Variants in MCPH1 observed in about 807,000 individuals in gnomAD.
MCPH1 encodes microcephalin 1, also known as microcephalin.
In MCPH1, 104 loss-of-function variants were observed where a neutral mutation model predicts 84.5. The ratio of observed to expected loss-of-function variants is 1.23; its 90% CI spans 1.05 to 1.45. The LOEUF (loss-of-function observed/expected upper bound fraction) is 1.45, where lower values mean the gene tolerates loss of function less well. MCPH1 is among the 40% of genes most tolerant of loss of function. MCPH1 has a pLI of 0.00. For synonymous variants in MCPH1, 514 were observed against 366.8 expected, an observed-to-expected ratio of 1.40 and a Z score of -4.58; for missense variants, 1,498 against 1,005.7, an observed-to-expected ratio of 1.49 and a Z score of -6.62.
At chr8:6,568,244 TCGC>T (rs879724915) in intron 12 of MCPH1, among the ~76,000 whole-genome samples, 7,284 of 130,752 alleles carry the variant, frequency 0.056, 505 homozygotes, top group African/African-American at 0.18. Context: ...CGTGGACCCA[TCGC>T]TAGCTGAATG....
At chr8:6,467,359 C>A (rs1807107673) in intron 9 of MCPH1, among the ~76,000 whole-genome samples, 1 of 152,132 alleles carries the variant, frequency 6.6e-6, no homozygotes, top group African/African-American at 2.4e-5. Context: ...GCAGAAATAT[C>A]TTCTGCTTTT....
intron 12 of MCPH1, among the ~76,000 whole-genome samples, chr8:6,510,286 G>C (rs758070393): frequency 6.6e-5 from 10 of 152,020 alleles, no homozygotes; most frequent in Non-Finnish European, 1.2e-4. Flanking sequence ...GGCACGTTGG[G>C]TCCTCACGTC....
chr8:6,603,947 G>T (rs1461135339), intron 12 of MCPH1, among the ~76,000 whole-genome samples: 1 of 151,410 alleles, frequency 6.6e-6, no homozygotes, highest in South Asian at 2.1e-4. Flanking sequence ...AGATATCAGA[G>T]TTATTTTTAC....
rs931746506 is a variant in MCPH1 at position 6,647,084 on chromosome 8, A to G, written c.*4035A>G. The G allele has an allele frequency of 2.6e-5, 4 of 152,230 alleles. No individual in the cohort carries two copies. Among genetic ancestry groups the G allele is most frequent in the African/African-American group, 9.7e-5 (4 of 41,446 alleles). The allele number at this position is 152,230 out of a possible 1,614,324, so 9.4% of individuals were successfully genotyped here. A position where few individuals can be genotyped will look rare whatever the true frequency, so the allele number is the denominator to read the frequency against. On this transcript the variant is annotated 3_prime_UTR_variant, in exon 14 of 14. Transcript: ENST00000344683. ...TAAAGGACTTGTACCCAGACCATGTAAAGAACTCATAACTCATTAATAAAA... is the reference window on the plus strand; with the variant it reads ...TAAAGGACTTGTACCCAGACCATGTGAAGAACTCATAACTCATTAATAAAA...
At chr8:6,512,765 A>G (rs894338484) in intron 12 of MCPH1, among the ~76,000 whole-genome samples, 1 of 152,198 alleles carries the variant, frequency 6.6e-6, no homozygotes. Context: ...ATTCCCAGTC[A>G]AGGTTGCCCA....
intron 12 of MCPH1, among the ~76,000 whole-genome samples, chr8:6,589,515 G>C (rs554781108): frequency 6.6e-6 from 1 of 152,304 alleles, no homozygotes; most frequent in African/African-American, 2.4e-5. Context: ...CCGGCATCTG[G>C]AAATGATGAA....
chr8:6,548,415 AT>A (rs144205826), intron 12 of MCPH1, among the ~76,000 whole-genome samples: 49 of 152,250 alleles, frequency 3.2e-4, no homozygotes, highest in African/African-American at 1.2e-3. Context: ...CAGAATTAGG[AT>A]TTTGATCCTC....
chr8:6,619,952 G>T (rs780311858), intron 12 of MCPH1, among the ~76,000 whole-genome samples: 2 of 152,202 alleles, frequency 1.3e-5, no homozygotes, highest in Non-Finnish European at 2.9e-5. Context: ...ACTCTTTCTT[G>T]ATTCCATTTC....
intron 12 of MCPH1, chr8:6,562,552 C>CTTTTTTTTTTTTTTTTTTTCTT (rs55804146): frequency 1.4e-5 from 1 of 71,748 alleles, no homozygotes; most frequent in African/African-American, 6.3e-5. Flanking sequence ...CATCCTCCTT[C>CTTTTTTTTTTTTTTTTTTTCTT]TTTTTTTTTT....
chr8:6,406,627 A>T lies in MCPH1; in HGVS notation c.-41A>T, dbSNP rs769260580. The T allele has an allele frequency of 3.7e-6, 6 of 1,607,972 alleles. No homozygotes were observed. The South Asian group carries it at 6.6e-5, about 18-fold the overall frequency. The stretch of plus-strand genomic sequence containing the variant: ...TGCCCGCGCGCGCCGCCAGGCTCGC[A>T]AGCACCGCGTAGGCCAGCTGGCCGG... On this transcript the variant is annotated 5_prime_UTR_variant, in exon 1 of 14. Transcript: ENST00000344683.
intron 3 of MCPH1, among the ~76,000 whole-genome samples, chr8:6,420,991 G>T (rs7018378): frequency 6.6e-6 from 1 of 152,066 alleles, no homozygotes; most frequent in Non-Finnish European, 1.5e-5. Flanking sequence ...GGGCATGGAG[G>T]TCTAATTTGA....
At chr8:6,569,631 AAG>A (rs1413396465) in intron 12 of MCPH1, among the ~76,000 whole-genome samples, 1 of 152,226 alleles carries the variant, frequency 6.6e-6, no homozygotes, top group Non-Finnish European at 1.5e-5. Flanking sequence ...AGGCTCCGTG[AAG>A]AGAGAGACAA....
At chr8:6,414,023 G>T (rs1393437989) in intron 2 of MCPH1, among the ~76,000 whole-genome samples, 1 of 152,198 alleles carries the variant, frequency 6.6e-6, no homozygotes, top group Admixed American at 6.5e-5. Flanking sequence ...AAAGTTCTGG[G>T]ATTACAGGTG....
chr8:6,535,942 A>G (rs1235503885), intron 12 of MCPH1, among the ~76,000 whole-genome samples: 2 of 151,986 alleles, frequency 1.3e-5, no homozygotes, highest in African/African-American at 4.8e-5. Flanking sequence ...CTGTAGTCTC[A>G]GGTACTGGGG....
chr8:6,475,361 A>T (rs1268135203), intron 9 of MCPH1, among the ~76,000 whole-genome samples: 1 of 152,198 alleles, frequency 6.6e-6, no homozygotes, highest in African/African-American at 2.4e-5. Context: ...CATTCCTCTC[A>T]TGGGAGATGT....
intron 12 of MCPH1, among the ~76,000 whole-genome samples, chr8:6,521,980 C>G (rs937537832): frequency 6.6e-6 from 1 of 152,190 alleles, no homozygotes; most frequent in Admixed American, 6.5e-5. Context: ...CTTAGTCACC[C>G]TATGCGTTAA....
intron 7 of MCPH1, among the ~76,000 whole-genome samples, 186 bp from the exon 8 acceptor site, chr8:6,444,207 G>C (rs1344930147): frequency 6.6e-6 from 1 of 152,144 alleles, no homozygotes; most frequent in Non-Finnish European, 1.5e-5. Flanking sequence ...CAAAGCCCAG[G>C]TTCTCTAGTT....
chr8:6,642,665 G>T (rs553785286), intron 13 of MCPH1: 9 of 420,734 alleles, frequency 2.1e-5, no homozygotes, highest in Admixed American at 7.0e-5. Flanking sequence ...GAAATTCTTG[G>T]CTCCTATGTC....
At chr8:6,550,014 G>C (rs1823340733) in intron 12 of MCPH1, among the ~76,000 whole-genome samples, 5 of 152,234 alleles carry the variant, frequency 3.3e-5, no homozygotes, top group Admixed American at 3.3e-4. Context: ...ATCATTCGGG[G>C]ACGGGGGACG....
Sources: allele counts gnomAD v4.1 joint callset (sites outside exome capture counted in the v4.1 genomes callset), GRCh38; gene constraint gnomAD v4.1.1; transcripts MANE v1.5; gene names NCBI Gene and HGNC (gene_info 2026-07-23, HGNC 2026-07-21).